Variants in POLQ observed in about 807,000 individuals in gnomAD.
POLQ encodes DNA polymerase theta.
A neutral mutation model predicts 259.2 loss-of-function variants in POLQ; 233 were observed. That is an observed-to-expected ratio of 0.90 (90% CI 0.81 to 1.00). The LOEUF is 1.00. Among genes scored for constraint, POLQ ranks in the 50% least tolerant of loss-of-function variants. The pLI is 0.00. For synonymous variants in POLQ, 1,025 were observed against 1,048.8 expected (o/e 0.98, Z 0.44); for missense variants, 2,871 against 3,051.6 (o/e 0.94, Z 1.39).
intron 17 of POLQ, among the ~76,000 whole-genome samples, chr3:121,483,881 G>A (rs530309166): frequency 1.3e-5 from 2 of 152,090 alleles, no homozygotes; most frequent in African/African-American, 4.8e-5. Flanking sequence ...CCAAAATGAG[G>A]AGTTAAAGAC....
rs779321943 is a variant in POLQ, at chr3:121,481,761, T to C, written c.6022A>G (p.Ile2008Val). 8 of 1,613,624 alleles carry C rather than the reference T, an allele frequency of 5.0e-6. No homozygotes were observed. In the East Asian group the frequency reaches 1.6e-4, roughly 31 times the overall value. Reference protein sequence around the residue: ...PDSQEPTLHSIVTSFLPHELP... With the variant: ...PDSQEPTLHSVVTSFLPHELP... ...TCATGAGGAAGAAAACTGGTAACTA[T>C]GCTATGAAGAGTCGGCTCCTGAGAA... Residue 2008 changes from isoleucine (I) to valine (V), a missense_variant, in exon 19 of 30, where the codon ATA becomes GTA. Physicochemically the swap from Ile to Val is conservative, Grantham distance 29 (BLOSUM62 3). Coordinates refer to ENST00000264233, the MANE Select transcript of POLQ (RefSeq NM_199420.4).
chr3:121,444,008 T>C (rs1431527987), intron 26 of POLQ, among the ~76,000 whole-genome samples: 2 of 152,226 alleles, frequency 1.3e-5, no homozygotes, highest in Admixed American at 6.5e-5. Context: ...TAATTCGAAG[T>C]CAGGTAATGT....
At position 121,529,795 on chromosome 3, in the gene POLQ, A is replaced by G. The variant is rs1408929404; in HGVS notation, c.961-3T>C. ...CTAACAACATGGTCCTCATCTCCCT[A>G]AAACAGAAAGATAAATAACCACTTT... On this transcript the variant is annotated splice_polypyrimidine_tract_variant and splice_region_variant and intron_variant, in intron 6 of 29. Coordinates refer to ENST00000264233, the MANE Select transcript of POLQ (RefSeq NM_199420.4). The G allele has an allele frequency of 1.2e-6, 2 of 1,601,342 alleles. No homozygotes were observed. The highest frequency in any genetic ancestry group is 2.2e-5 in the South Asian group (2 of 89,110).
chr3:121,467,691 T>C (rs1435769882), intron 23 of POLQ, 51 bp from the exon 24 acceptor site: 9 of 1,573,794 alleles, frequency 5.7e-6, no homozygotes, highest in South Asian at 2.3e-5. Context: ...CTCAAATATA[T>C]GAAAAAGGTC....
intron 12 of POLQ, among the ~76,000 whole-genome samples, chr3:121,504,737 T>G (rs1033168705): frequency 2.0e-5 from 3 of 152,200 alleles, no homozygotes; most frequent in Non-Finnish European, 1.5e-5. Context: ...AATGGAAGTA[T>G]TTATCCAATG....
intron 18 of POLQ, among the ~76,000 whole-genome samples, chr3:121,482,892 G>A (rs149462244): frequency 6.6e-6 from 1 of 152,200 alleles, no homozygotes; most frequent in African/African-American, 2.4e-5. Context: ...TCATTACGAA[G>A]AGTGCATCAT....
At chr3:121,519,043 T>C (rs2048318237) in intron 9 of POLQ, among the ~76,000 whole-genome samples, 1 of 150,442 alleles carries the variant, frequency 6.6e-6, no homozygotes. Context: ...TGATACAAGG[T>C]AAAAAAAAAT....
chr3:121,480,179 T>A lies in POLQ; in HGVS notation c.6211+1393A>T, dbSNP rs193178847. On this transcript the variant is annotated intron_variant, in intron 19 of 29. Transcript: ENST00000264233. ...AGAAAAAAAAGATTTGGAAAAAAAATATATATATATAGCTTACCAAATATA... is the reference window on the plus strand; with the variant it reads ...AGAAAAAAAAGATTTGGAAAAAAAAAATATATATATAGCTTACCAAATATA... 9.5e-3 allele frequency among the ~76,000 whole-genome samples: 1,443 copies of A among 151,172 alleles called. 12 individuals carry two copies. Among genetic ancestry groups the A allele is most frequent in the South Asian group, 0.014 (66 of 4,796 alleles).
intron 9 of POLQ, among the ~76,000 whole-genome samples, chr3:121,514,864 T>C (rs369779972): frequency 1.3e-5 from 2 of 152,286 alleles, no homozygotes; most frequent in African/African-American, 4.8e-5. Context: ...CTTGAATCTT[T>C]AGATGGCCAG....
At chr3:121,471,283 G>A (rs1251718280) in intron 22 of POLQ, among the ~76,000 whole-genome samples, 1 of 151,986 alleles carries the variant, frequency 6.6e-6, no homozygotes, top group African/African-American at 2.4e-5. Flanking sequence ...TTATACGGAT[G>A]CCCCAGAGGC....
At chr3:121,514,148 G>T (rs2048277217) in intron 9 of POLQ, among the ~76,000 whole-genome samples, 2 of 146,820 alleles carry the variant, frequency 1.4e-5, no homozygotes, top group Non-Finnish European at 3.0e-5. Context: ...AACCAACATG[G>T]TGAAACCCCA....
At chr3:121,529,212 AG>A (rs2108816566) in intron 7 of POLQ, among the ~76,000 whole-genome samples, 1 of 27,344 alleles carries the variant, frequency 3.7e-5, no homozygotes, top group South Asian at 5.5e-3. Flanking sequence ...ATGTCATTCA[AG>A]GGTCAACTTA....
intron 14 of POLQ, chr3:121,494,937 A>G: frequency 1.1e-6 from 1 of 917,268 alleles, no homozygotes; most frequent in East Asian, 2.7e-5. Context: ...TCTGTATATA[A>G]AAATAATTAA....
chr3:121,463,081 C>A (rs1477087355), intron 24 of POLQ, among the ~76,000 whole-genome samples: 1 of 152,184 alleles, frequency 6.6e-6, no homozygotes, highest in Non-Finnish European at 1.5e-5. Flanking sequence ...AAAAGATCTT[C>A]AAATAACACA....
intron 12 of POLQ, among the ~76,000 whole-genome samples, chr3:121,504,785 G>GT (rs1175490760): frequency 5.9e-5 from 9 of 152,232 alleles, no homozygotes; most frequent in Admixed American, 3.9e-4. Flanking sequence ...AACTAACTTA[G>GT]TTTTTTTATT....
At chr3:121,447,786 C>A (rs1173134529) in intron 26 of POLQ, among the ~76,000 whole-genome samples, 1 of 152,110 alleles carries the variant, frequency 6.6e-6, no homozygotes, top group African/African-American at 2.4e-5. Context: ...GTCTTTATTT[C>A]TCCTTCATGT....
intron 12 of POLQ, among the ~76,000 whole-genome samples, chr3:121,508,016 A>ATT (rs4048669): frequency 0.58 from 75,226 of 129,508 alleles, 22,847 homozygotes; most frequent in East Asian, 0.87. Flanking sequence ...ACCATACACA[A>ATT]TTTTTTTTTT....
At position 121,441,849 on chromosome 3, in the gene POLQ, GAAC is replaced by G. The variant is rs139305400; in HGVS notation, c.7265-1736_7265-1734del. Among the ~76,000 whole-genome samples, 1,229 of 152,270 alleles carry G rather than the reference GAAC, an allele frequency of 8.1e-3. 15 individuals are homozygous for G. The highest frequency in any genetic ancestry group is 0.028 in the African/African-American group (1,167 of 41,556). The stretch of plus-strand genomic sequence containing the variant: ...TAGTTTTACCATTTTACAAATAAAT[GAAC>G]AACGTAAAAGACTGTGTTTTTAATA... On this transcript the variant is annotated intron_variant, in intron 26 of 29. Transcript: ENST00000264233.
chr3:121,462,905 A>G (rs942922670), intron 24 of POLQ, among the ~76,000 whole-genome samples: 2 of 152,248 alleles, frequency 1.3e-5, no homozygotes, highest in African/African-American at 4.8e-5. Flanking sequence ...AAAACCTTAT[A>G]TTCTATTAGT....
Sources: gnomAD v4.1 joint callset for allele counts (sites outside exome capture counted in the v4.1 genomes callset) on GRCh38, gnomAD v4.1.1 for gene constraint, MANE v1.5 for transcripts, NCBI Gene and HGNC (gene_info 2026-07-23, HGNC 2026-07-21) for gene names.